NCOA1: variants seen among roughly 807,000 people sequenced by gnomAD.
NCOA1 encodes the protein nuclear receptor coactivator 1.
Under a neutral mutation model 150.9 loss-of-function variants are expected in NCOA1, and 35 were observed. The ratio of observed to expected loss-of-function variants is 0.23; its 90% CI spans 0.18 to 0.31. NCOA1 has a LOEUF of 0.31. Ranked by LOEUF, NCOA1 falls within the 10% of genes least tolerant of loss-of-function variation. NCOA1 has a pLI of 1.00. For synonymous variants in NCOA1, 590 were observed against 630.0 expected, an observed-to-expected ratio of 0.94 and a Z score of 0.95; for missense variants, 1,491 against 1,749.3, an observed-to-expected ratio of 0.85 and a Z score of 2.63.
intron 1 of NCOA1, among the ~76,000 whole-genome samples, chr2:24,539,114 C>T (rs1214842340): frequency 6.6e-6 from 1 of 151,404 alleles, no homozygotes; most frequent in African/African-American, 2.4e-5. Context: ...CCTTCTTACC[C>T]ATTTGAAGGT....
intron 18 of NCOA1, 64 bp from the exon 19 acceptor site, chr2:24,741,720 G>T: frequency 6.7e-7 from 1 of 1,498,884 alleles, no homozygotes; most frequent in Non-Finnish European, 8.9e-7. Context: ...TTAATCCAAT[G>T]AACTTTCCAG....
chr2:24,521,652 T>G (rs1052949150), intron 1 of NCOA1, among the ~76,000 whole-genome samples: 1 of 152,202 alleles, frequency 6.6e-6, no homozygotes. Context: ...CTTAGGTTGT[T>G]TTTATATTTT....
intron 3 of NCOA1, among the ~76,000 whole-genome samples, chr2:24,617,648 T>C (rs1042650451): frequency 6.6e-6 from 1 of 152,148 alleles, no homozygotes; most frequent in Admixed American, 6.5e-5. Flanking sequence ...AGCCTCTCCC[T>C]CAGACATCTG....
chr2:24,681,916 A>T (rs1427410432), intron 7 of NCOA1, among the ~76,000 whole-genome samples: 1 of 152,062 alleles, frequency 6.6e-6, no homozygotes, highest in African/African-American at 2.4e-5. Context: ...GGGTTTCACC[A>T]TGTTGGCCAG....
chr2:24,695,533 T>C (rs1672858810), intron 10 of NCOA1, among the ~76,000 whole-genome samples: 2 of 152,314 alleles, frequency 1.3e-5, no homozygotes, highest in African/African-American at 4.8e-5. Context: ...AATGTAAAAC[T>C]AACATTATAT....
At chr2:24,573,261 G>C (rs1666813604) in intron 2 of NCOA1, among the ~76,000 whole-genome samples, 1 of 152,130 alleles carries the variant, frequency 6.6e-6, no homozygotes, top group African/African-American at 2.4e-5. Context: ...TGCGTATCAA[G>C]TGCTGTGATA....
Position 24,621,857 on chromosome 2 carries a change from G to T in NCOA1, c.-174-22109G>T, listed in dbSNP as rs562733645. On this transcript the variant is annotated intron_variant, in intron 3 of 22. Coordinates refer to ENST00000348332, the MANE Select transcript of NCOA1 (RefSeq NM_003743.5). ...ATTTGTACCTAATCTCTGTCTTTCT[G>T]TATCCTAGGAAGCTTTGTTAGGAAT... Among the ~76,000 whole-genome samples, 28 of 152,238 alleles carry T rather than the reference G, an allele frequency of 1.8e-4. No homozygotes were observed. The South Asian group carries it at 5.8e-3, about 32-fold the overall frequency.
chr2:24,502,170 T>C (rs1663490895), intron 1 of NCOA1, among the ~76,000 whole-genome samples: 1 of 152,150 alleles, frequency 6.6e-6, no homozygotes, highest in South Asian at 2.1e-4. Flanking sequence ...CAGGAATATA[T>C]ATAAAGAGCC....
At chr2:24,655,484 C>G (rs55881117) in intron 4 of NCOA1, among the ~76,000 whole-genome samples, 5,434 of 152,198 alleles carry the variant, frequency 0.036, 125 homozygotes, top group East Asian at 0.11. Flanking sequence ...TCACCAGATC[C>G]TATAATAGAC....
intron 15 of NCOA1, among the ~76,000 whole-genome samples, chr2:24,726,916 C>T (rs1015973858): frequency 6.6e-6 from 1 of 151,022 alleles, no homozygotes; most frequent in African/African-American, 2.4e-5. Flanking sequence ...GCAGGTGGAT[C>T]ACCTGAGGTC....
intron 1 of NCOA1, among the ~76,000 whole-genome samples, chr2:24,552,427 C>T (rs1343754715): frequency 1.6e-5 from 2 of 122,490 alleles, no homozygotes; most frequent in Non-Finnish European, 3.1e-5. Context: ...AGTGCAATGG[C>T]ATGATCTCAG....
At chr2:24,754,279 C>T (rs1288652361) in intron 20 of NCOA1, among the ~76,000 whole-genome samples, 4 of 152,122 alleles carry the variant, frequency 2.6e-5, no homozygotes, top group Non-Finnish European at 4.4e-5. Flanking sequence ...CCGTCCTTTA[C>T]GCACAACTCA....
intron 4 of NCOA1, among the ~76,000 whole-genome samples, chr2:24,653,803 AC>A (rs969411190): frequency 4.6e-5 from 7 of 152,298 alleles, no homozygotes; most frequent in Admixed American, 4.6e-4. Context: ...AGCTAAGGAA[AC>A]AAAAAATGGC....
chr2:24,712,384 A>T (rs1673788335), intron 14 of NCOA1, among the ~76,000 whole-genome samples: 1 of 152,190 alleles, frequency 6.6e-6, no homozygotes, highest in African/African-American at 2.4e-5. Context: ...AATATGGGAG[A>T]CTGGAAGAAT....
intron 11 of NCOA1, among the ~76,000 whole-genome samples, chr2:24,703,087 A>G (rs1320949110): frequency 1.3e-5 from 2 of 152,182 alleles, no homozygotes; most frequent in African/African-American, 4.8e-5. Flanking sequence ...AATACCTGAT[A>G]TGTACTCCAT....
chr2:24,592,439 A>G (rs1351794251), intron 3 of NCOA1, among the ~76,000 whole-genome samples: 3 of 152,118 alleles, frequency 2.0e-5, no homozygotes, highest in African/African-American at 7.2e-5. Flanking sequence ...GGGCTGAGAG[A>G]TCAAGCACCT....
chr2:24,707,859 G>A lies in NCOA1; in HGVS notation c.2389G>A (p.Glu797Lys), dbSNP rs1340783758. 1 of 1,598,202 alleles carries A rather than the reference G, an allele frequency of 6.3e-7. No individual in the cohort carries two copies. Among genetic ancestry groups the A allele is most frequent in the South Asian group, 1.1e-5 (1 of 87,112 alleles). Reference sequence around the variant, plus strand: ...AACCCCAATGACCAAACCCACTCCTGAGGAAATAAAACTGGAGGCCCAGAG... The same window carrying A: ...AACCCCAATGACCAAACCCACTCCTAAGGAAATAAAACTGGAGGCCCAGAG... Reference protein sequence around the residue: ...NPTPMTKPTPEEIKLEAQSQF... With the variant: ...NPTPMTKPTPKEIKLEAQSQF... The change falls in exon 13 of 23, where the codon GAG becomes AAG. Residue 797 changes from glutamate (E) to lysine (K), a missense_variant. Around this residue, in one of 8 missense-constraint regions of NCOA1, gnomAD observed 703 missense variants for 717.7 expected, o/e 0.98. Coordinates refer to ENST00000348332, the MANE Select transcript of NCOA1 (RefSeq NM_003743.5).
intron 1 of NCOA1, among the ~76,000 whole-genome samples, chr2:24,509,413 G>A (rs1462801391): frequency 1.3e-5 from 2 of 152,162 alleles, no homozygotes; most frequent in Non-Finnish European, 2.9e-5. Flanking sequence ...ATTAGATGTT[G>A]TTTGTGAAAA....
chr2:24,690,979 A>C (rs576353883), intron 8 of NCOA1, among the ~76,000 whole-genome samples: 7 of 152,318 alleles, frequency 4.6e-5, no homozygotes, highest in African/African-American at 1.4e-4. Context: ...TATATTCTTA[A>C]TACTTTTTTT....
Sources: allele counts gnomAD v4.1 joint callset (sites outside exome capture counted in the v4.1 genomes callset), GRCh38; gene constraint gnomAD v4.1.1; regional missense constraint gnomAD v4.1.1; transcripts MANE v1.5; gene names NCBI Gene and HGNC (gene_info 2026-07-23, HGNC 2026-07-21).